Variants in NLRP1 observed in about 807,000 individuals in gnomAD.
The protein encoded by NLRP1 is NACHT, LRR and PYD domains-containing protein 1.
NLRP1 carries 94 observed loss-of-function variants against 136.7 expected under a neutral mutation model. The ratio of observed to expected loss-of-function variants is 0.69; its 90% CI spans 0.58 to 0.82. NLRP1 has a LOEUF of 0.82. Among genes scored for constraint, NLRP1 ranks in the 40% least tolerant of loss-of-function variants. The pLI is 0.00. For missense variants in NLRP1, 1,575 were observed against 1,802.7 expected, an observed-to-expected ratio of 0.87 and a Z score of 2.29; for synonymous variants, 690 against 725.1, an observed-to-expected ratio of 0.95 and a Z score of 0.78.
At chr17:5,523,855 A>G (rs1018385314) in intron 12 of NLRP1, among the ~76,000 whole-genome samples, 5 of 152,254 alleles carry the variant, frequency 3.3e-5, no homozygotes, top group Admixed American at 2.0e-4. Flanking sequence ...ATAAAGTCAC[A>G]GTGGTATCTA....
chr17:5,566,034 T>C (rs1285071730), intron 3 of NLRP1, among the ~76,000 whole-genome samples: 1 of 152,208 alleles, frequency 6.6e-6, no homozygotes, highest in Non-Finnish European at 1.5e-5. Flanking sequence ...TGTTTCCTTT[T>C]TCATTTCTGA....
intron 11 of NLRP1, among the ~76,000 whole-genome samples, chr17:5,532,597 A>G (rs1025071962): frequency 1.3e-5 from 2 of 152,158 alleles, no homozygotes; most frequent in Non-Finnish European, 2.9e-5. Context: ...CTATTTTTGT[A>G]TATGTTTGAA....
chr17:5,528,464 C>T (rs1909835564), intron 12 of NLRP1, among the ~76,000 whole-genome samples: 2 of 152,210 alleles, frequency 1.3e-5, no homozygotes. Flanking sequence ...GACTGTTCAA[C>T]CAGGTGCCCC....
chr17:5,556,065 GC>G (rs1914009392), intron 4 of NLRP1, among the ~76,000 whole-genome samples: 2 of 151,292 alleles, frequency 1.3e-5, no homozygotes, highest in Non-Finnish European at 2.9e-5. Flanking sequence ...CCGCATGCCA[GC>G]CTGGTGACAG....
chr17:5,545,990 C>G (rs1029451005), intron 5 of NLRP1, among the ~76,000 whole-genome samples: 2 of 152,338 alleles, frequency 1.3e-5, no homozygotes, highest in East Asian at 1.9e-4. Flanking sequence ...CTTCCCTCCT[C>G]CAATCCTACC....
At chr17:5,576,384 C>T (rs1252025258) in intron 3 of NLRP1, among the ~76,000 whole-genome samples, 5 of 151,646 alleles carry the variant, frequency 3.3e-5, no homozygotes, top group East Asian at 3.9e-4. Flanking sequence ...GCTAGCAAGA[C>T]GAATAAAGAA....
rs556838093 is a variant in NLRP1, at chr17:5,521,116, G to C, written c.3784-104C>G. Reference sequence around the variant, plus strand: ...TGTGTGTTTGTGTGGACAGAGTGGGGCTATATCACCCCTGCCTCCCTCCCC... The same window carrying C: ...TGTGTGTTTGTGTGGACAGAGTGGGCCTATATCACCCCTGCCTCCCTCCCC... On this transcript the variant is annotated intron_variant, in intron 13 of 16. Coordinates refer to ENST00000572272, the MANE Select transcript of NLRP1 (RefSeq NM_033004.4). The C allele has an allele frequency of 5.9e-6, 7 of 1,188,646 alleles. No homozygotes were observed. In the African/African-American group the frequency reaches 9.1e-5, roughly 15 times the overall value. The allele number at this position is 1,188,646 out of a possible 1,614,324, so 73.6% of individuals were successfully genotyped here. A position where few individuals can be genotyped will look rare whatever the true frequency, so the allele number is the denominator to read the frequency against.
chr17:5,508,017 C>T (rs1431271200), intron 15 of NLRP1, among the ~76,000 whole-genome samples: 1 of 152,160 alleles, frequency 6.6e-6, no homozygotes, highest in African/African-American at 2.4e-5. Context: ...GCCTGTAATC[C>T]TAGCTACTCA....
Position 5,559,721 on chromosome 17 carries a change from T to C in NLRP1, c.975A>G (p.Gln325=), listed in dbSNP as rs759743083. ...RDLFGPGLDT[Q]EPRIVILQGA... The stretch of plus-strand genomic sequence containing the variant: ...CCTGCAGTATGACTATGCGAGGTTC[T>C]TGGGTATCCAGGCCTGGGCCAAATA... The change falls in exon 4 of 17, where the codon CAA becomes CAG. Residue 325 remains glutamine, a synonymous_variant. Coordinates refer to ENST00000572272, the MANE Select transcript of NLRP1 (RefSeq NM_033004.4). 1.9e-6 allele frequency: 3 copies of C among 1,614,262 alleles called. No individual in the cohort carries two copies. Among genetic ancestry groups the C allele is most frequent in the Non-Finnish European group, 2.5e-6 (3 of 1,180,046 alleles).
intron 4 of NLRP1, among the ~76,000 whole-genome samples, chr17:5,556,373 A>C (rs1597455047): frequency 1.3e-5 from 2 of 151,886 alleles, no homozygotes; most frequent in Non-Finnish European, 2.9e-5. Context: ...AGGATCCCTT[A>C]AACTCGGGTG....
At chr17:5,565,826 T>C (rs1432196424) in intron 3 of NLRP1, among the ~76,000 whole-genome samples, 1 of 152,176 alleles carries the variant, frequency 6.6e-6, no homozygotes, top group Non-Finnish European at 1.5e-5. Context: ...TTCTTCACTG[T>C]AAGGCTTTTT....
chr17:5,582,155 T>C, intron 2 of NLRP1, 93 bp from the exon 3 acceptor site: 1 of 976,080 alleles, frequency 1.0e-6, no homozygotes, highest in Non-Finnish European at 1.5e-6. Flanking sequence ...TCCTGAGAGA[T>C]GGGTCTTAAT....
At chr17:5,573,645 A>G (rs558551367) in intron 3 of NLRP1, among the ~76,000 whole-genome samples, 2 of 152,288 alleles carry the variant, frequency 1.3e-5, no homozygotes, top group East Asian at 3.9e-4. Context: ...AGGCAGCAAC[A>G]TTTGCTGTTT....
chr17:5,558,848 A>G lies in NLRP1; in HGVS notation c.1848T>C (p.Pro616=), dbSNP rs922357072. 6 of 1,614,170 alleles carry G rather than the reference A, an allele frequency of 3.7e-6. No individual in the cohort carries two copies. Among genetic ancestry groups the G allele is most frequent in the Non-Finnish European group, 5.1e-6 (6 of 1,180,016 alleles). ...AGAGGTGAATGAAGCTGTAGCTCAG[A>G]GGGATGGGGTGCTCTTGAAGAATAC... ...KMGILQEHPI[P]LSYSFIHLCF... The change falls in exon 4 of 17, where the codon CCT becomes CCC. Residue 616 remains proline (P), a synonymous_variant. Coordinates refer to ENST00000572272, the MANE Select transcript of NLRP1 (RefSeq NM_033004.4).
chr17:5,532,095 T>C (rs1243497429), intron 11 of NLRP1, among the ~76,000 whole-genome samples: 1 of 152,114 alleles, frequency 6.6e-6, no homozygotes, highest in Non-Finnish European at 1.5e-5. Flanking sequence ...AATACAATTT[T>C]CATTTTTCAC....
At chr17:5,563,440 C>A (rs1016169841) in intron 3 of NLRP1, among the ~76,000 whole-genome samples, 2 of 152,224 alleles carry the variant, frequency 1.3e-5, no homozygotes, top group African/African-American at 4.8e-5. Flanking sequence ...CCAAACTGAT[C>A]TGATAGAGCT....
intron 4 of NLRP1, 81 bp downstream of exon 4, chr17:5,558,258 T>G: frequency 8.1e-6 from 12 of 1,476,426 alleles, no homozygotes; most frequent in Non-Finnish European, 1.0e-5. Flanking sequence ...CCAGGCTCAG[T>G]GAGCATGCCT....
At chr17:5,527,049 C>T (rs1440434384) in intron 12 of NLRP1, among the ~76,000 whole-genome samples, 1 of 152,242 alleles carries the variant, frequency 6.6e-6, no homozygotes, top group Non-Finnish European at 1.5e-5. Flanking sequence ...AGGCAGCAAG[C>T]ATTTCTGGAA....
In NLRP1 at chr17:5,559,930, C is replaced by T. The variant is rs755811313; in HGVS notation, c.766G>A (p.Glu256Lys). Residue 256 changes from glutamate to lysine, a missense_variant, in exon 4 of 17, where the codon GAG (glutamate) becomes AAG (lysine). Glu to Lys is a moderately conservative substitution (Grantham distance 56, BLOSUM62 1). Transcript: ENST00000572272. ...TSLQPHHHPW[E>K]PSVRESLCST... is the part of the protein sequence containing the mutation. ...CAGAGGCTCTCTCTCACAGAAGGCT[C>T]CCATGGGTGGTGGTGGGGCTGTAGG... is the stretch of plus-strand genomic sequence containing the variant. 3 of 1,614,190 alleles carry T rather than the reference C, an allele frequency of 1.9e-6. No individual in the cohort carries two copies.
Sources: allele counts gnomAD v4.1 joint callset (sites outside exome capture counted in the v4.1 genomes callset), GRCh38; gene constraint gnomAD v4.1.1; transcripts MANE v1.5; gene names NCBI Gene and HGNC (gene_info 2026-07-23, HGNC 2026-07-21).